The following KCNH2 variants were observed in gnomAD, a reference collection of about 807,000 sequenced individuals.
KCNH2 encodes the protein potassium voltage-gated channel subfamily H member 2, also known as voltage-gated inwardly rectifying potassium channel KCNH2.
Under a neutral mutation model 95.9 loss-of-function variants are expected in KCNH2, and 35 were observed. That is an observed-to-expected ratio of 0.37 (90% CI 0.28 to 0.48). The LOEUF is 0.48. KCNH2 is among the 20% of genes least tolerant of loss of function. The pLI, the probability that KCNH2 is intolerant of heterozygous loss-of-function variation, is 0.99. For synonymous variants in KCNH2, 786 were observed against 754.7 expected (o/e 1.04, Z -0.68); for missense variants, 1,274 against 1,702.9 (o/e 0.75, Z 4.43).
chr7:150,955,950 G>A, intron 5 of KCNH2: 1 of 607,108 alleles, frequency 1.6e-6, no homozygotes, highest in South Asian at 7.2e-5. Context: ...CGCTCCCGCA[G>A]CCTGAGCCCC....
At chr7:150,969,435 C>T (rs148750754) in intron 2 of KCNH2, among the ~76,000 whole-genome samples, 4 of 146,080 alleles carry the variant, frequency 2.7e-5, no homozygotes, top group East Asian at 2.1e-4. Flanking sequence ...TCTGTCCCCC[C>T]ACCCCATCCT....
intron 2 of KCNH2, among the ~76,000 whole-genome samples, chr7:150,966,649 C>CA (rs1208545706): frequency 6.6e-6 from 1 of 151,930 alleles, no homozygotes; most frequent in Admixed American, 6.6e-5. Flanking sequence ...GATCAGCCCG[C>CA]AAAAATATAA....
intron 2 of KCNH2, among the ~76,000 whole-genome samples, chr7:150,974,392 C>T (rs1435650058): frequency 1.3e-5 from 2 of 152,214 alleles, no homozygotes; most frequent in Non-Finnish European, 2.9e-5. Context: ...CTCGGTCTAA[C>T]TCTAGTCCAA....
At position 150,948,426 on chromosome 7, in the gene KCNH2, T is replaced by TCCCCCCCCCCCCCCC; in HGVS notation, c.2692+17_2692+18insGGGGGGGGGGGGGGG. ...ACCTTGTCCCCGCCCTCCCCCTTCC[T>TCCCCCCCCCCCCCCC]CCCCTCCCCCGCCTCACCCTTGTCC... is the stretch of plus-strand genomic sequence containing the variant. On this transcript the variant is annotated intron_variant, in intron 11 of 14. Transcript: ENST00000262186. 1 of 600,282 alleles carries TCCCCCCCCCCCCCCC rather than the reference T, an allele frequency of 1.7e-6. No homozygotes were observed. Among genetic ancestry groups the TCCCCCCCCCCCCCCC allele is most frequent in the Non-Finnish European group, 2.6e-6 (1 of 389,780 alleles). 37.2% of individuals were successfully genotyped at this position (600,282 alleles called of 1,614,324 possible). A position where few individuals can be genotyped will look rare whatever the true frequency, so the allele number is the denominator to read the frequency against.
rs1476212075 is a variant in KCNH2, at chr7:150,960,272, A to G, written c.308-536T>C. On this transcript the variant is annotated intron_variant, in intron 2 of 14. Coordinates refer to ENST00000262186, the MANE Select transcript of KCNH2 (RefSeq NM_000238.4). ...CCATCTATAAAATGGGAAGAATAAT[A>G]ATTTTTTCTTTTTAAAATTTTTTAA... 2.0e-5 allele frequency among the ~76,000 whole-genome samples: 3 copies of G among 152,226 alleles called. No homozygotes were observed. The East Asian group carries it at 5.8e-4, about 29-fold the overall frequency.
chr7:150,948,424 C>CAG lies in KCNH2; in HGVS notation c.2692+19_2692+20insCT. ...TCACCTTGTCCCCGCCCTCCCCCTT[C>CAG]CTCCCCTCCCCCGCCTCACCCTTGT... On this transcript the variant is annotated intron_variant, in intron 11 of 14. Transcript: ENST00000262186. The CAG allele has an allele frequency of 3.5e-5, 26 of 744,972 alleles. No homozygotes were observed. Among genetic ancestry groups the CAG allele is most frequent in the Non-Finnish European group, 4.6e-5 (21 of 460,148 alleles). 46.1% of individuals were successfully genotyped at this position (744,972 alleles called of 1,614,324 possible).
chr7:150,951,875 AG>A (rs772521233), intron 6 of KCNH2, 40 bp from the exon 7 acceptor site: 1 of 1,504,758 alleles, frequency 6.6e-7, no homozygotes, highest in South Asian at 1.3e-5. Flanking sequence ...TGATGGGGCA[AG>A]GGGGGCAAGG....
At chr7:150,959,176 G>A (rs1043527517) in intron 3 of KCNH2, among the ~76,000 whole-genome samples, 1 of 152,174 alleles carries the variant, frequency 6.6e-6, no homozygotes, top group African/African-American at 2.4e-5. Flanking sequence ...ACACACAGCT[G>A]AGTCCATAGG....
Position 150,976,955 on chromosome 7 carries a change from G to A in KCNH2, c.76+883C>T, listed in dbSNP as rs1004049281. Among the ~76,000 whole-genome samples, 6 of 152,104 alleles carry A rather than the reference G, an allele frequency of 3.9e-5. 1 individual carries two copies. The highest frequency in any genetic ancestry group is 1.3e-4 in the Admixed American group (2 of 15,284). ...CCTGTGCTCACAGGGTCATGGACAAGGAATGTCATCCTCTCCCAACTCCCA... is the reference window on the plus strand; with the variant it reads ...CCTGTGCTCACAGGGTCATGGACAAAGAATGTCATCCTCTCCCAACTCCCA... On this transcript the variant is annotated intron_variant, in intron 1 of 14. Coordinates refer to ENST00000262186, the MANE Select transcript of KCNH2 (RefSeq NM_000238.4).
rs1584838516 is a variant in KCNH2 at position 150,945,219 on chromosome 7, T to C, written c.*146A>G. On this transcript the variant is annotated 3_prime_UTR_variant, in exon 15 of 15. Coordinates refer to ENST00000262186, the MANE Select transcript of KCNH2 (RefSeq NM_000238.4). This position sits in a 1 kb window ranked among gnomAD's most constrained non-coding sequence, Gnocchi z 5.6. ...GGGCCCAGGGGACTGCAGGAGAAGA[T>C]GGTCCCAAGGGCTGGGGGAGGAGCT... 2.2e-6 allele frequency: 2 copies of C among 899,630 alleles called. No individual in the cohort carries two copies. The highest frequency in any genetic ancestry group is 3.3e-6 in the Non-Finnish European group (2 of 608,656). The allele number at this position is 899,630 out of a possible 1,614,324, so 55.7% of individuals were successfully genotyped here. A position where few individuals can be genotyped will look rare whatever the true frequency, so the allele number is the denominator to read the frequency against.
At chr7:150,955,275 C>T in intron 5 of KCNH2, 4 of 1,020,012 alleles carry the variant, frequency 3.9e-6, no homozygotes, top group Non-Finnish European at 6.0e-6. Flanking sequence ...GGCCCCACGG[C>T]TCCCAAAGCT....
intron 1 of KCNH2, among the ~76,000 whole-genome samples, chr7:150,975,491 A>G (rs1439425054): frequency 6.6e-6 from 1 of 152,130 alleles, no homozygotes; most frequent in Non-Finnish European, 1.5e-5. Context: ...TACCCCCTAG[A>G]ACTTCTGCAC....
At position 150,946,740 on chromosome 7, in the gene KCNH2, G is replaced by C; in HGVS notation, c.3330+137C>G. The C allele has an allele frequency of 1.3e-6, 1 of 785,148 alleles. No homozygotes were observed. Among genetic ancestry groups the C allele is most frequent in the South Asian group, 1.8e-5 (1 of 56,022 alleles). 48.6% of individuals were successfully genotyped at this position (785,148 alleles called of 1,614,324 possible). Reference sequence around the variant, plus strand: ...GAAGCAGCCTTCCTCCAGGAGGACAGGGGTGGGAGGAGGGCAGGAACAAGG... The same window carrying C: ...GAAGCAGCCTTCCTCCAGGAGGACACGGGTGGGAGGAGGGCAGGAACAAGG... On this transcript the variant is annotated intron_variant, in intron 14 of 14. Transcript: ENST00000262186. The surrounding 1 kb of genome is among the most constrained non-coding windows in gnomAD (Gnocchi z 6.5).
At chr7:150,974,494 A>G (rs1016506533) in intron 2 of KCNH2, among the ~76,000 whole-genome samples, 3 of 152,086 alleles carry the variant, frequency 2.0e-5, no homozygotes, top group South Asian at 4.1e-4. Flanking sequence ...CCTGAAAACC[A>G]TCTCAGCAGA....
At chr7:150,972,888 C>G (rs3778872) in intron 2 of KCNH2, among the ~76,000 whole-genome samples, 32,884 of 152,152 alleles carry the variant, frequency 0.22, 4,022 homozygotes, top group East Asian at 0.32. Context: ...CCAGCTCCAC[C>G]TAAGAGCACT....
intron 2 of KCNH2, among the ~76,000 whole-genome samples, chr7:150,960,659 T>A (rs1801541134): frequency 6.6e-6 from 1 of 152,106 alleles, no homozygotes; most frequent in African/African-American, 2.4e-5. Flanking sequence ...AAAACACTGA[T>A]CCTTCACCAA....
intron 2 of KCNH2, among the ~76,000 whole-genome samples, chr7:150,973,863 G>C (rs564712451): frequency 1.3e-5 from 2 of 152,346 alleles, no homozygotes; most frequent in South Asian, 2.1e-4. Context: ...TTGAGTCAAT[G>C]CTTATGGGAC....
At chr7:150,974,106 G>A (rs1471710038) in intron 2 of KCNH2, among the ~76,000 whole-genome samples, 1 of 152,232 alleles carries the variant, frequency 6.6e-6, no homozygotes, top group African/African-American at 2.4e-5. Context: ...GCGCAGGAGA[G>A]GGTGGCAGGG....
chr7:150,948,353 C>T, intron 11 of KCNH2, 91 bp downstream of exon 11: 1 of 1,041,018 alleles, frequency 9.6e-7, no homozygotes, highest in Non-Finnish European at 1.4e-6. Context: ...AGGTCTGAGG[C>T]CTGGGTAAAG....
Sources: allele counts gnomAD v4.1 joint callset (sites outside exome capture counted in the v4.1 genomes callset), GRCh38; gene constraint gnomAD v4.1.1; non-coding constraint Gnocchi (gnomAD v3.1); transcripts MANE v1.5; gene names NCBI Gene and HGNC (gene_info 2026-07-23, HGNC 2026-07-21).